The following REXO1 variants were observed in gnomAD, a reference collection of about 807,000 sequenced individuals.
The protein encoded by REXO1 is REX1, RNA exonuclease 1 homolog.
REXO1 carries 42 observed loss-of-function variants against 102.6 expected under a neutral mutation model. The observed-to-expected ratio is 0.41, with a 90% CI of 0.32 to 0.53. The LOEUF (loss-of-function observed/expected upper bound fraction) is 0.53, where lower values mean the gene tolerates loss of function less well. REXO1 is among the 20% of genes least tolerant of loss of function. The pLI, the probability that REXO1 is intolerant of heterozygous loss-of-function variation, is 0.27. For missense variants in REXO1, 1,819 were observed against 1,732.5 expected (o/e 1.05, Z -0.89); for synonymous variants, 908 against 779.1 (o/e 1.17, Z -2.76).
At position 1,840,160 on chromosome 19, in the gene REXO1, G is replaced by A. The variant is rs567648142; in HGVS notation, c.157+8042C>T. 2.6e-5 allele frequency among the ~76,000 whole-genome samples: 4 copies of A among 152,326 alleles called. No individual in the cohort carries two copies. In the South Asian group the frequency reaches 8.3e-4, roughly 32 times the overall value. On this transcript the variant is annotated intron_variant, in intron 1 of 15. Coordinates refer to ENST00000170168, the MANE Select transcript of REXO1 (RefSeq NM_020695.4). ...GCCAGGCCCACACCCCCAAGCACAC[G>A]CTCTCTGCCACCTTCCTGGCCCTGC...
intron 1 of REXO1, among the ~76,000 whole-genome samples, chr19:1,829,680 T>A (rs1381439247): frequency 6.6e-6 from 1 of 151,802 alleles, no homozygotes; most frequent in Non-Finnish European, 1.5e-5. Flanking sequence ...TGGTGGCGCA[T>A]GCCTGTAATC....
intron 1 of REXO1, among the ~76,000 whole-genome samples, chr19:1,846,208 G>A (rs913538602): frequency 6.6e-6 from 1 of 152,214 alleles, no homozygotes; most frequent in Non-Finnish European, 1.5e-5. Context: ...AATCTCATAG[G>A]AAACTGGGTG....
chr19:1,826,883 G>C lies in REXO1; in HGVS notation c.1906C>G (p.Arg636Gly), dbSNP rs772747988. Residue 636 changes from arginine to glycine, a missense_variant, in exon 2 of 16, where the codon CGG becomes GGG. Transcript: ENST00000170168. This position sits in a 1 kb window ranked among gnomAD's most constrained non-coding sequence, Gnocchi z 4.3. ...CCAGCACCCGCGCGCCTCACCTGCC[G>C]GGCCAGCCGGCCTCTGTCCTCCGTC... is the stretch of plus-strand genomic sequence containing the variant. ...VKTEDRGRLA[R>G]QPPKEEKSEE... 5 of 1,576,288 alleles carry C rather than the reference G, an allele frequency of 3.2e-6. No homozygotes were observed. In the South Asian group the frequency reaches 4.6e-5, roughly 15 times the overall value.
chr19:1,845,580 C>T (rs1287271668), intron 1 of REXO1, among the ~76,000 whole-genome samples: 2 of 152,180 alleles, frequency 1.3e-5, no homozygotes, highest in East Asian at 3.8e-4. Context: ...AGGTGGATCC[C>T]TTGAGTCCAG....
At chr19:1,838,033 C>T (rs1032873729) in intron 1 of REXO1, among the ~76,000 whole-genome samples, 5 of 152,158 alleles carry the variant, frequency 3.3e-5, no homozygotes, top group African/African-American at 7.2e-5. Flanking sequence ...ACAGGCTGGG[C>T]GCAGTAGCTC....
chr19:1,848,198 T>A lies in REXO1; in HGVS notation c.157+4A>T. On this transcript the variant is annotated splice_donor_region_variant and intron_variant, in intron 1 of 15. Coordinates refer to ENST00000170168, the MANE Select transcript of REXO1 (RefSeq NM_020695.4). ...CCCAAGGCAAGCAGGCGGGCGGGCA[T>A]TACCTGCTGCGGGGGGCGCCTCTCC... The A allele has an allele frequency of 8.2e-7, 1 of 1,214,566 alleles. No individual in the cohort carries two copies. Among genetic ancestry groups the A allele is most frequent in the East Asian group, 3.3e-5 (1 of 30,750 alleles). The allele number at this position is 1,214,566 out of a possible 1,614,324, so 75.2% of individuals were successfully genotyped here.
At chr19:1,818,395 C>G in intron 10 of REXO1, 87 bp downstream of exon 10, 1 of 1,026,176 alleles carries the variant, frequency 9.7e-7, no homozygotes, top group Non-Finnish European at 1.5e-6. Flanking sequence ...CTGGGTAAAG[C>G]CTTACCCCAG....
intron 1 of REXO1, among the ~76,000 whole-genome samples, chr19:1,833,171 G>A (rs1426631487): frequency 6.6e-6 from 1 of 152,180 alleles, no homozygotes; most frequent in East Asian, 1.9e-4. Flanking sequence ...GCTTCAATGA[G>A]CTGTGATCAC....
chr19:1,844,228 C>T (rs371692558), intron 1 of REXO1, among the ~76,000 whole-genome samples: 32 of 152,240 alleles, frequency 2.1e-4, no homozygotes, highest in African/African-American at 7.5e-4. Flanking sequence ...ACCAGCCACG[C>T]GTACACAGGT....
intron 8 of REXO1, 83 bp from the exon 9 acceptor site, chr19:1,818,926 C>T: frequency 3.2e-6 from 5 of 1,578,458 alleles, no homozygotes; most frequent in East Asian, 2.3e-5. Flanking sequence ...GCTGGGCCGG[C>T]AGGGGCCCAC....
At position 1,821,655 on chromosome 19, in the gene REXO1, G is replaced by A. The variant is rs141030694; in HGVS notation, c.2258C>T (p.Ala753Val). The change falls in exon 5 of 16, where the codon GCG becomes GTG. Residue 753 changes from alanine (A) to valine (V), a missense_variant. Physicochemically the swap from Ala to Val is moderately conservative, Grantham distance 64 (BLOSUM62 0). Coordinates refer to ENST00000170168, the MANE Select transcript of REXO1 (RefSeq NM_020695.4). ...AAPTGAKRTL[A>V]ASGSQSSNGP... ...GTTGGAGGACTGGCTGCCGCTGGCCGCAAGGGTCCTCTTGGCACCTGTGGG... is the reference window on the plus strand; with the variant it reads ...GTTGGAGGACTGGCTGCCGCTGGCCACAAGGGTCCTCTTGGCACCTGTGGG... 59 of 1,612,916 alleles carry A rather than the reference G, an allele frequency of 3.7e-5. No homozygotes were observed. In the East Asian group the frequency reaches 5.8e-4, roughly 16 times the overall value.
intron 10 of REXO1, among the ~76,000 whole-genome samples, chr19:1,817,982 A>C (rs978840565): frequency 1.3e-5 from 2 of 152,036 alleles, no homozygotes; most frequent in African/African-American, 2.4e-5. Flanking sequence ...ATCCAGGGAG[A>C]CCAGTGCCCT....
chr19:1,845,787 C>T (rs8106873), intron 1 of REXO1, among the ~76,000 whole-genome samples: 2 of 152,126 alleles, frequency 1.3e-5, no homozygotes, highest in Non-Finnish European at 2.9e-5. Flanking sequence ...TGACCCAGGG[C>T]CCAGGAGCAC....
In REXO1 at chr19:1,826,023, G is replaced by T. The variant is rs937204071; in HGVS notation, c.1912-80C>A. 9.9e-7 allele frequency: 1 copy of T among 1,005,808 alleles called. No individual in the cohort carries two copies. The highest frequency in any genetic ancestry group is 2.5e-5 in the East Asian group (1 of 40,324). 62.3% of individuals were successfully genotyped at this position (1,005,808 alleles called of 1,614,324 possible). The stretch of plus-strand genomic sequence containing the variant: ...ACACCCCAACCTCAAACTGCCCCCG[G>T]CAAGTGGGGAATGGAACAGTCCAGC... On this transcript the variant is annotated intron_variant, in intron 2 of 15. Coordinates refer to ENST00000170168, the MANE Select transcript of REXO1 (RefSeq NM_020695.4). The surrounding 1 kb of genome is among the most constrained non-coding windows in gnomAD (Gnocchi z 4.3).
At position 1,827,051 on chromosome 19, in the gene REXO1, G is replaced by A. The variant is rs200463277; in HGVS notation, c.1738C>T (p.Pro580Ser). The change falls in exon 2 of 16, where the codon CCA becomes TCA. Residue 580 changes from proline to serine, a missense_variant. Transcript: ENST00000170168. ...GAGGAGGAGGAGGAGGAGGAGGATG[G>A]GGCGGGGGAGGGGGGCGGGGAGGCC... is the stretch of plus-strand genomic sequence containing the variant. ...LKASPPPSPA[P>S]SSSSSSSSST... 17 of 1,153,344 alleles carry A rather than the reference G, an allele frequency of 1.5e-5. No individual in the cohort carries two copies. In the South Asian group the frequency reaches 1.7e-4, roughly 12 times the overall value. The allele number at this position is 1,153,344 out of a possible 1,614,324, so 71.4% of individuals were successfully genotyped here. A position where few individuals can be genotyped will look rare whatever the true frequency, so the allele number is the denominator to read the frequency against.
chr19:1,838,840 G>A (rs760723578), intron 1 of REXO1, among the ~76,000 whole-genome samples: 11 of 151,648 alleles, frequency 7.3e-5, no homozygotes, highest in Non-Finnish European at 1.5e-4. Context: ...GCTCTCAGCC[G>A]GGCACGGTAG....
intron 1 of REXO1, among the ~76,000 whole-genome samples, chr19:1,829,769 T>C (rs2069853721): frequency 6.6e-6 from 1 of 151,976 alleles, no homozygotes; most frequent in Admixed American, 6.6e-5. Flanking sequence ...GATCACACCA[T>C]TGCACTCCAG....
At chr19:1,844,014 A>G (rs2011422008) in intron 1 of REXO1, among the ~76,000 whole-genome samples, 1 of 152,238 alleles carries the variant, frequency 6.6e-6, no homozygotes, top group Non-Finnish European at 1.5e-5. Context: ...AAGCCCTAAC[A>G]GATCAGTAGG....
Position 1,818,493 on chromosome 19 carries a change from C to G in REXO1, c.3005G>C (p.Arg1002Pro), listed in dbSNP as rs764833254. 1.2e-6 allele frequency: 2 copies of G among 1,603,754 alleles called. No homozygotes were observed. The highest frequency in any genetic ancestry group is 3.4e-5 in the Admixed American group (2 of 58,990). Reference protein sequence around the residue: ...EECYYHWGRLRRNRVAGGWET... With the variant: ...EECYYHWGRLPRNRVAGGWET... ...GGGTAAGGCCTTACCCCGGTTCCGGCGCAGCCGTCCCCAGTGGTAATAACA... is the reference window on the plus strand; with the variant it reads ...GGGTAAGGCCTTACCCCGGTTCCGGGGCAGCCGTCCCCAGTGGTAATAACA... Residue 1002 changes from arginine to proline, a missense_variant, in exon 10 of 16, where the codon CGC becomes CCC. Transcript: ENST00000170168.
Sources: allele counts gnomAD v4.1 joint callset (sites outside exome capture counted in the v4.1 genomes callset), GRCh38; gene constraint gnomAD v4.1.1; non-coding constraint Gnocchi (gnomAD v3.1); transcripts MANE v1.5; gene names NCBI Gene and HGNC (gene_info 2026-07-23, HGNC 2026-07-21).